Variants in PCDHGB7 observed in about 807,000 individuals in gnomAD.
The protein encoded by PCDHGB7 is protocadherin gamma-B7.
A neutral mutation model predicts 61.4 loss-of-function variants in PCDHGB7; 37 were observed. The ratio of observed to expected loss-of-function variants is 0.60; its 90% CI spans 0.46 to 0.79. The LOEUF (loss-of-function observed/expected upper bound fraction) is 0.79. Among genes scored for constraint, PCDHGB7 ranks in the 30% least tolerant of loss-of-function variants. The pLI, the probability that PCDHGB7 is intolerant of heterozygous loss-of-function variation, is 0.00. For synonymous variants in PCDHGB7, 464 were observed against 503.5 expected (o/e 0.92, Z 1.05); for missense variants, 1,166 against 1,202.5 (o/e 0.97, Z 0.45).
In PCDHGB7 at chr5:141,485,457, T is replaced by G; in HGVS notation, c.2416-9350T>G. 1 of 1,614,124 alleles carries G rather than the reference T, an allele frequency of 6.2e-7. No individual in the cohort carries two copies. Among genetic ancestry groups the G allele is most frequent in the Non-Finnish European group, 8.5e-7 (1 of 1,180,020 alleles). On this transcript the variant is annotated intron_variant, in intron 1 of 3. Coordinates refer to ENST00000398594, the MANE Select transcript of PCDHGB7 (RefSeq NM_018927.4). This position sits in a 1 kb window ranked among gnomAD's most constrained non-coding sequence, Gnocchi z 5.7. ...AAGAACCCAATCGACCGAGAGGCAC[T>G]GTGTGGGCTCAGTGCCAGCTGCATC...
chr5:141,444,146 T>C (rs2098418879), intron 1 of PCDHGB7, among the ~76,000 whole-genome samples: 2 of 145,824 alleles, frequency 1.4e-5, no homozygotes, highest in South Asian at 4.3e-4. Flanking sequence ...CACTTGTGTG[T>C]ACTGGATTTT....
intron 1 of PCDHGB7, among the ~76,000 whole-genome samples, chr5:141,435,286 A>G (rs1179151461): frequency 6.6e-6 from 1 of 152,194 alleles, no homozygotes; most frequent in Non-Finnish European, 1.5e-5. Context: ...CAGTATCCCA[A>G]GTCATTTCAT....
rs554119295 is a variant in PCDHGB7 at position 141,482,963 on chromosome 5, C to T, written c.2416-11844C>T. 1.7e-4 allele frequency among the ~76,000 whole-genome samples: 10 copies of T among 57,958 alleles called. No homozygotes were observed. In the South Asian group the frequency reaches 4.5e-3, roughly 26 times the overall value. 38.0% of individuals were successfully genotyped at this position (57,958 alleles called of 152,430 possible). On this transcript the variant is annotated intron_variant, in intron 1 of 3. Coordinates refer to ENST00000398594, the MANE Select transcript of PCDHGB7 (RefSeq NM_018927.4). The stretch of plus-strand genomic sequence containing the variant: ...TTGTGGGTGCCTGTAATTCCAGCTA[C>T]TTGAGCAGCTACTTGAGAGGTCGAG...
In PCDHGB7 at chr5:141,431,377, T is replaced by A; in HGVS notation, c.2415+11103T>A. 1 of 1,613,426 alleles carries A rather than the reference T, an allele frequency of 6.2e-7. No individual in the cohort carries two copies. Among genetic ancestry groups the A allele is most frequent in the Non-Finnish European group, 8.5e-7 (1 of 1,179,558 alleles). ...GCGCCCTGGACCGCGAAGAAAAGGC[T>A]GCTCACCACCTGGTCCTTACGGCCT... is the stretch of plus-strand genomic sequence containing the variant. On this transcript the variant is annotated intron_variant, in intron 1 of 3. Coordinates refer to ENST00000398594, the MANE Select transcript of PCDHGB7 (RefSeq NM_018927.4). This position sits in a 1 kb window ranked among gnomAD's most constrained non-coding sequence, Gnocchi z 4.8.
chr5:141,428,233 C>A, intron 1 of PCDHGB7: 1 of 1,049,106 alleles, frequency 9.5e-7, no homozygotes, highest in Non-Finnish European at 1.4e-6. Context: ...AGACAGCCTG[C>A]AGGAGGCACT....
rs2099385215 is a variant in PCDHGB7 at position 141,476,099 on chromosome 5, G to A, written c.2416-18708G>A. On this transcript the variant is annotated intron_variant, in intron 1 of 3. Coordinates refer to ENST00000398594, the MANE Select transcript of PCDHGB7 (RefSeq NM_018927.4). This position sits in a 1 kb window ranked among gnomAD's most constrained non-coding sequence, Gnocchi z 7.6. ...GGGACGATCTGGACCCCGCTGAGAGGAACTGCTTTTGAGTGAGATGGTCCC... is the reference window on the plus strand; with the variant it reads ...GGGACGATCTGGACCCCGCTGAGAGAAACTGCTTTTGAGTGAGATGGTCCC... 1 of 1,574,916 alleles carries A rather than the reference G, an allele frequency of 6.3e-7. No individual in the cohort carries two copies.
At chr5:141,435,214 A>T (rs1314928643) in intron 1 of PCDHGB7, among the ~76,000 whole-genome samples, 1 of 152,176 alleles carries the variant, frequency 6.6e-6, no homozygotes, top group Non-Finnish European at 1.5e-5. Context: ...AAGTGAATTT[A>T]CTTTCTTTCA....
At chr5:141,481,739 G>A (rs1034725934) in intron 1 of PCDHGB7, among the ~76,000 whole-genome samples, 1 of 152,082 alleles carries the variant, frequency 6.6e-6, no homozygotes, top group Non-Finnish European at 1.5e-5. Flanking sequence ...GGATCACGAG[G>A]TCAGGAGTCC....
At chr5:141,421,965 C>A in intron 1 of PCDHGB7, 1 of 1,610,360 alleles carries the variant, frequency 6.2e-7, no homozygotes, top group Non-Finnish European at 8.5e-7. Context: ...TTACACAGTC[C>A]GTATATCGCG....
At chr5:141,458,870 C>G (rs540373442) in intron 1 of PCDHGB7, among the ~76,000 whole-genome samples, 1 of 152,264 alleles carries the variant, frequency 6.6e-6, no homozygotes, top group South Asian at 2.1e-4. Flanking sequence ...GTAGCTGGGA[C>G]TACAGGCATG....
chr5:141,428,858 GACT>G (rs1348026268), intron 1 of PCDHGB7: 1 of 139,194 alleles, frequency 7.2e-6, no homozygotes, highest in African/African-American at 3.0e-5. Flanking sequence ...TTTTACGGGA[GACT>G]TTTTTTTTTT....
chr5:141,481,913 C>CA (rs34114744), intron 1 of PCDHGB7, among the ~76,000 whole-genome samples: 1,134 of 90,654 alleles, frequency 0.013, 16 homozygotes, highest in East Asian at 0.053. Flanking sequence ...AACTCCATCT[C>CA]AAAAAAAAAA....
At chr5:141,456,936 C>G (rs1012944904) in intron 1 of PCDHGB7, among the ~76,000 whole-genome samples, 20 of 152,190 alleles carry the variant, frequency 1.3e-4, no homozygotes, top group African/African-American at 4.3e-4. Context: ...GCACTCCAGC[C>G]TGGGCAACAG....
chr5:141,450,829 A>ATTTTTT (rs373424450), intron 1 of PCDHGB7, among the ~76,000 whole-genome samples: 1 of 135,126 alleles, frequency 7.4e-6, no homozygotes. Context: ...TATTATTATT[A>ATTTTTT]TTTTTTTTTT....
At chr5:141,463,075 A>G (rs943294678) in intron 1 of PCDHGB7, among the ~76,000 whole-genome samples, 3 of 152,180 alleles carry the variant, frequency 2.0e-5, no homozygotes, top group East Asian at 1.9e-4. Context: ...ATGAAATTCA[A>G]ACATTTTCCA....
chr5:141,444,360 G>A (rs556605314), intron 1 of PCDHGB7, among the ~76,000 whole-genome samples: 1 of 151,652 alleles, frequency 6.6e-6, no homozygotes, highest in South Asian at 2.1e-4. Context: ...TAGTAGAGAC[G>A]GGGTTTCTCC....
Position 141,486,487 on chromosome 5 carries a change from C to G in PCDHGB7, c.2416-8320C>G. The G allele has an allele frequency of 6.2e-7, 1 of 1,614,086 alleles. No homozygotes were observed. The highest frequency in any genetic ancestry group is 1.1e-5 in the South Asian group (1 of 91,074). ...CTGGGAACCCTCCTCTCAGTACCCA[C>G]AGAACTATTTTCCTCAATATTTCAG... On this transcript the variant is annotated intron_variant, in intron 1 of 3. Coordinates refer to ENST00000398594, the MANE Select transcript of PCDHGB7 (RefSeq NM_018927.4). This position sits in a 1 kb window ranked among gnomAD's most constrained non-coding sequence, Gnocchi z 5.0.
At position 141,419,169 on chromosome 5, in the gene PCDHGB7, C is replaced by T. The variant is rs746258255; in HGVS notation, c.1310C>T (p.Thr437Ile). 73 of 1,613,970 alleles carry T rather than the reference C, an allele frequency of 4.5e-5. No homozygotes were observed. The highest frequency in any genetic ancestry group is 3.3e-4 in the Middle Eastern group (2 of 6,062). The stretch of plus-strand genomic sequence containing the variant: ...AAGCCTCCGTTATCCTCCAGCAAAA[C>T]CATAACCCTGCACATTACTGACGTC... ...RGKPPLSSSKTITLHITDVND... is the reference protein window; with the variant it reads ...RGKPPLSSSKIITLHITDVND... The change falls in exon 1 of 4, where the codon ACC (threonine) becomes ATC (isoleucine). Residue 437 changes from threonine to isoleucine, a missense_variant. Physicochemically the swap from Thr to Ile is moderately conservative, Grantham distance 89 (BLOSUM62 -1). Coordinates refer to ENST00000398594, the MANE Select transcript of PCDHGB7 (RefSeq NM_018927.4).
intron 1 of PCDHGB7, among the ~76,000 whole-genome samples, chr5:141,449,281 G>A (rs1051064124): frequency 6.6e-6 from 1 of 151,946 alleles, no homozygotes; most frequent in Non-Finnish European, 1.5e-5. Context: ...TCCTTCACCC[G>A]GATGCACCGG....
Sources: allele counts gnomAD v4.1 joint callset (sites outside exome capture counted in the v4.1 genomes callset), GRCh38; gene constraint gnomAD v4.1.1; non-coding constraint Gnocchi (gnomAD v3.1); transcripts MANE v1.5; gene names NCBI Gene and HGNC (gene_info 2026-07-23, HGNC 2026-07-21).